Variants in CRBN observed in about 807,000 individuals in gnomAD.
The protein encoded by CRBN is protein cereblon.
CRBN carries 53 observed loss-of-function variants against 62.2 expected under a neutral mutation model. The ratio of observed to expected loss-of-function variants is 0.85; its 90% CI spans 0.68 to 1.07. The LOEUF is 1.07. Ranked by LOEUF, CRBN falls within the 50% of genes least tolerant of loss-of-function variation. The pLI is 0.00. For missense variants in CRBN, 616 were observed against 531.1 expected (o/e 1.16, Z -1.57); for synonymous variants, 208 against 176.1 (o/e 1.18, Z -1.43).
Position 3,167,654 on chromosome 3 carries a change from A to G in CRBN, c.667T>C (p.Trp223Arg), listed in dbSNP as rs770240973. ...VSREDQCSYK[W>R]WQKYQKRKFH... is the part of the protein sequence containing the mutation. ...CTCACCTTCTGGTATTTCTGCCACC[A>G]TTTATATGAACATTGGTCTTCTCTT... Residue 223 changes from tryptophan (W) to arginine (R), a missense_variant, in exon 5 of 11, where the codon TGG becomes CGG. Trp to Arg is a moderately radical substitution (Grantham distance 101). Transcript: ENST00000231948. 1.2e-5 allele frequency: 20 copies of G among 1,613,000 alleles called. No homozygotes were observed. The highest frequency in any genetic ancestry group is 2.7e-5 in the African/African-American group (2 of 74,892).
chr3:3,174,045 C>T lies in CRBN; in HGVS notation c.377+14G>A. 1 of 1,606,676 alleles carries T rather than the reference C, an allele frequency of 6.2e-7. No individual in the cohort carries two copies. Among genetic ancestry groups the T allele is most frequent in the Non-Finnish European group, 8.5e-7 (1 of 1,173,322 alleles). On this transcript the variant is annotated intron_variant, in intron 3 of 10. Transcript: ENST00000231948. ...AGAGGGAATGTATTAAGCAAATGGACTCTAATATTTTACCTGTATGCAAGA... is the reference window on the plus strand; with the variant it reads ...AGAGGGAATGTATTAAGCAAATGGATTCTAATATTTTACCTGTATGCAAGA...
intron 2 of CRBN, 130 bp downstream of exon 2, chr3:3,175,033 C>CAGTT: frequency 3.1e-6 from 2 of 652,938 alleles, no homozygotes; most frequent in South Asian, 3.6e-5. Context: ...TATCTACTGG[C>CAGTT]AAATAGCCCA....
chr3:3,173,211 C>T (rs1283691058), intron 3 of CRBN, among the ~76,000 whole-genome samples: 1 of 152,230 alleles, frequency 6.6e-6, no homozygotes, highest in Non-Finnish European at 1.5e-5. Context: ...GCACATACCA[C>T]CACGCCTGGC....
chr3:3,153,919 G>A, intron 8 of CRBN, 41 bp downstream of exon 8: 1 of 1,265,104 alleles, frequency 7.9e-7, no homozygotes, highest in South Asian at 1.2e-5. Flanking sequence ...TCTCCAGCCT[G>A]AATAAAACAT....
At chr3:3,161,630 A>C (rs892370042) in intron 5 of CRBN, among the ~76,000 whole-genome samples, 3 of 151,408 alleles carry the variant, frequency 2.0e-5, no homozygotes, top group African/African-American at 4.8e-5. Flanking sequence ...CTTGTGATCC[A>C]CCCGCCTCAG....
chr3:3,156,508 AAGG>A lies in CRBN; in HGVS notation c.688-230_688-228del. The A allele has an allele frequency of 5.5e-6, 3 of 544,212 alleles. No homozygotes were observed. In the South Asian group the frequency reaches 6.7e-5, roughly 12 times the overall value. 33.7% of individuals were successfully genotyped at this position (544,212 alleles called of 1,614,324 possible). The stretch of plus-strand genomic sequence containing the variant: ...ACTAGAATCTTCATTCCTATTTAAA[AAGG>A]TCAAACATTAAAATTTCAATGCTGA... On this transcript the variant is annotated intron_variant, in intron 5 of 10. Transcript: ENST00000231948.
rs373258180 is a variant in CRBN, at chr3:3,179,569, G to A, written c.67+52C>T. 2.4e-5 allele frequency: 38 copies of A among 1,566,324 alleles called. No homozygotes were observed. In the African/African-American group the frequency reaches 4.7e-4, roughly 19 times the overall value. On this transcript the variant is annotated intron_variant, in intron 1 of 10. Transcript: ENST00000231948. ...CCCAGGCCCAGCTGCACCGCTAGCG[G>A]CTCCGAGCCTCGCCCCACTCCCGAC... is the stretch of plus-strand genomic sequence containing the variant.
chr3:3,152,517 ACACAGTAAGTGTCTCATG>A lies in CRBN; in HGVS notation c.1069_1086del (p.His357_Val362del). 6.2e-7 allele frequency: 1 copy of A among 1,614,068 alleles called. No individual in the cohort carries two copies. Among genetic ancestry groups the A allele is most frequent in the Non-Finnish European group, 8.5e-7 (1 of 1,179,950 alleles). ...ATCAGATTCAAGTTGCAAGCCTTAT[ACACAGTAAGTGTCTCATG>A]CACATATCCATGAGGATTCACATAA... is the stretch of plus-strand genomic sequence containing the variant. On this transcript the variant is annotated inframe_deletion, in exon 10 of 11. Coordinates refer to ENST00000231948, the MANE Select transcript of CRBN (RefSeq NM_016302.4).
At chr3:3,151,149 T>C in intron 10 of CRBN, 104 bp from the exon 11 acceptor site, 1 of 1,189,274 alleles carries the variant, frequency 8.4e-7, no homozygotes, top group Non-Finnish European at 1.2e-6. Flanking sequence ...ATTCTAAGGA[T>C]TAGAGATTCT....
chr3:3,150,776 A>T lies in CRBN; in HGVS notation c.*89T>A. The T allele has an allele frequency of 8.0e-7, 1 of 1,245,192 alleles. No homozygotes were observed. Among genetic ancestry groups the T allele is most frequent in the Non-Finnish European group, 1.1e-6 (1 of 873,674 alleles). The allele number at this position is 1,245,192 out of a possible 1,614,324, so 77.1% of individuals were successfully genotyped here. The stretch of plus-strand genomic sequence containing the variant: ...TTACTTAGGTATTAATGTTATGTTT[A>T]CTTAGGTATGTATCAGAGGCAATAA... On this transcript the variant is annotated 3_prime_UTR_variant, in exon 11 of 11. Coordinates refer to ENST00000231948, the MANE Select transcript of CRBN (RefSeq NM_016302.4).
intron 1 of CRBN, among the ~76,000 whole-genome samples, chr3:3,177,092 C>T (rs1037989788): frequency 9.2e-5 from 14 of 152,102 alleles, no homozygotes; most frequent in South Asian, 4.1e-4. Flanking sequence ...CTACAATGCA[C>T]GAGACAATCC....
intron 5 of CRBN, among the ~76,000 whole-genome samples, chr3:3,165,984 C>T (rs1198174041): frequency 6.6e-6 from 1 of 152,160 alleles, no homozygotes; most frequent in Non-Finnish European, 1.5e-5. Flanking sequence ...CTTATTTCAA[C>T]AGTAACATTT....
intron 5 of CRBN, among the ~76,000 whole-genome samples, chr3:3,158,352 A>G (rs1706995817): frequency 6.6e-6 from 1 of 152,194 alleles, no homozygotes. Flanking sequence ...AACAGGCCAC[A>G]GACCAGTGCT....
At position 3,156,209 on chromosome 3, in the gene CRBN, A is replaced by G; in HGVS notation, c.750+10T>C. 1.2e-6 allele frequency: 2 copies of G among 1,607,736 alleles called. No homozygotes were observed. The highest frequency in any genetic ancestry group is 1.7e-6 in the Non-Finnish European group (2 of 1,174,438). On this transcript the variant is annotated intron_variant, in intron 6 of 10. Transcript: ENST00000231948. ...CCATATATAAAGTAAATTTAAGGTA[A>G]GTTACTTACAGCATCATATAAGGAA...
intron 10 of CRBN, among the ~76,000 whole-genome samples, chr3:3,151,978 A>G (rs941165783): frequency 6.6e-6 from 1 of 152,148 alleles, no homozygotes; most frequent in Non-Finnish European, 1.5e-5. Context: ...AAGACAGCTG[A>G]TTTTCAGAAT....
chr3:3,163,239 G>A (rs762528199), intron 5 of CRBN, among the ~76,000 whole-genome samples: 10 of 152,184 alleles, frequency 6.6e-5, no homozygotes, highest in South Asian at 6.2e-4. Context: ...ATAACCTGAC[G>A]TATATGGGAT....
intron 1 of CRBN, among the ~76,000 whole-genome samples, chr3:3,177,314 G>A (rs1047066232): frequency 1.3e-5 from 2 of 152,092 alleles, no homozygotes; most frequent in African/African-American, 4.8e-5. Context: ...ACCACCTCTA[G>A]CCAGGCCCCT....
Position 3,172,758 on chromosome 3 carries a change from G to C in CRBN, c.527+18C>G, listed in dbSNP as rs370427581. 1.9e-6 allele frequency: 3 copies of C among 1,606,974 alleles called. No individual in the cohort carries two copies. The South Asian group carries it at 3.3e-5, about 18-fold the overall frequency. On this transcript the variant is annotated intron_variant, in intron 4 of 10. Coordinates refer to ENST00000231948, the MANE Select transcript of CRBN (RefSeq NM_016302.4). ...TAGGAAACATTCAAAGAGCATTAAG[G>C]TATATGTTATTTCTTACCCATCTGA...
chr3:3,173,803 A>C (rs1233807511), intron 3 of CRBN: 2 of 505,426 alleles, frequency 4.0e-6, no homozygotes, highest in African/African-American at 3.8e-5. Flanking sequence ...CATCAAATAT[A>C]AATGATTAAA....
Sources: allele counts gnomAD v4.1 joint callset (sites outside exome capture counted in the v4.1 genomes callset), GRCh38; gene constraint gnomAD v4.1.1; transcripts MANE v1.5; gene names NCBI Gene and HGNC (gene_info 2026-07-23, HGNC 2026-07-21).